MEF2A: variants seen among roughly 807,000 people sequenced by gnomAD.
MEF2A encodes the protein myocyte enhancer factor 2A, also known as myocyte-specific enhancer factor 2A.
Under a neutral mutation model 55.8 loss-of-function variants are expected in MEF2A, and 28 were observed. That is an observed-to-expected ratio of 0.50 (90% CI 0.37 to 0.69). The LOEUF (loss-of-function observed/expected upper bound fraction) is 0.69, where lower values mean the gene tolerates loss of function less well. Ranked by LOEUF, MEF2A falls within the 30% of genes least tolerant of loss-of-function variation. The pLI is 0.00. For synonymous variants in MEF2A, 239 were observed against 227.1 expected (o/e 1.05, Z -0.47); for missense variants, 528 against 626.2 (o/e 0.84, Z 1.67).
intron 2 of MEF2A, among the ~76,000 whole-genome samples, chr15:99,627,534 A>C (rs1319279882): frequency 1.4e-5 from 2 of 141,304 alleles, no homozygotes; most frequent in Non-Finnish European, 3.0e-5. Context: ...GCTGAAGTTT[A>C]TTTAGGAAAA....
chr15:99,574,077 C>G (rs8039892), intron 1 of MEF2A, among the ~76,000 whole-genome samples: 5,223 of 151,744 alleles, frequency 0.034, 317 homozygotes, highest in African/African-American at 0.12. Flanking sequence ...GGAAAAAAAT[C>G]AAACCTAGAG....
Position 99,606,175 on chromosome 15 carries a change from G to A in MEF2A, c.-143+7664G>A, listed in dbSNP as rs954400555. ...TAGGGAAAGAATTAGTCAATAAATC[G>A]TCCTGGAACAAGTGATAATCTGTAT... On this transcript the variant is annotated intron_variant, in intron 2 of 11. Coordinates refer to ENST00000557942, the MANE Select transcript of MEF2A (RefSeq NM_001319206.4). 3.3e-5 allele frequency among the ~76,000 whole-genome samples: 5 copies of A among 152,114 alleles called. No individual in the cohort carries two copies. In the South Asian group the frequency reaches 6.2e-4, roughly 19 times the overall value.
intron 8 of MEF2A, among the ~76,000 whole-genome samples, chr15:99,703,134 T>A (rs1044429246): frequency 6.6e-6 from 1 of 152,118 alleles, no homozygotes; most frequent in African/African-American, 2.4e-5. Context: ...GGTAGGAGGG[T>A]GTCTTTGAAT....
chr15:99,576,705 A>G (rs1036285135), intron 1 of MEF2A, among the ~76,000 whole-genome samples: 38 of 151,820 alleles, frequency 2.5e-4, no homozygotes, highest in African/African-American at 8.2e-4. Flanking sequence ...CAGTGGCGCA[A>G]TCTTGGCTCA....
At chr15:99,589,371 TGTG>T (rs1202581425) in intron 1 of MEF2A, among the ~76,000 whole-genome samples, 22 of 152,312 alleles carry the variant, frequency 1.4e-4, no homozygotes, top group African/African-American at 5.3e-4. Flanking sequence ...TTGCAGCATT[TGTG>T]GTGATGTCCT....
chr15:99,678,370 T>C (rs1000853910), intron 7 of MEF2A, among the ~76,000 whole-genome samples: 1 of 152,224 alleles, frequency 6.6e-6, no homozygotes, highest in African/African-American at 2.4e-5. Flanking sequence ...TGGAAAGGAA[T>C]GTTTATTCTG....
intron 5 of MEF2A, chr15:99,671,747 C>CA: frequency 7.8e-7 from 1 of 1,288,022 alleles, no homozygotes. Context: ...TGGGTGATGA[C>CA]AACAATAAGT....
At chr15:99,632,453 G>A (rs1237342488) in intron 2 of MEF2A, among the ~76,000 whole-genome samples, 2 of 152,204 alleles carry the variant, frequency 1.3e-5, no homozygotes, top group Non-Finnish European at 2.9e-5. Context: ...TGTTTGGTAT[G>A]GAGGTCATCA....
chr15:99,634,612 A>G (rs566659388), intron 3 of MEF2A, among the ~76,000 whole-genome samples: 6 of 152,246 alleles, frequency 3.9e-5, no homozygotes, highest in Non-Finnish European at 8.8e-5. Context: ...TAAATTGGAC[A>G]TAGCTAAACT....
chr15:99,622,125 C>T (rs961928405), intron 2 of MEF2A, among the ~76,000 whole-genome samples: 1 of 152,108 alleles, frequency 6.6e-6, no homozygotes, highest in African/African-American at 2.4e-5. Flanking sequence ...TCTATGATAT[C>T]TTTTAAATTA....
At chr15:99,641,557 C>G (rs1255279745) in intron 3 of MEF2A, among the ~76,000 whole-genome samples, 2 of 152,212 alleles carry the variant, frequency 1.3e-5, no homozygotes, top group East Asian at 1.9e-4. Flanking sequence ...CCTGTCTCTA[C>G]TAAAAAATAC....
intron 2 of MEF2A, among the ~76,000 whole-genome samples, chr15:99,611,116 C>T (rs1162316931): frequency 6.6e-6 from 1 of 152,190 alleles, no homozygotes; most frequent in African/African-American, 2.4e-5. Context: ...ATGGCAGGGA[C>T]TTGTAATCCC....
At chr15:99,602,859 CTA>C (rs1225032193) in intron 2 of MEF2A, among the ~76,000 whole-genome samples, 1 of 150,840 alleles carries the variant, frequency 6.6e-6, no homozygotes, top group African/African-American at 2.4e-5. Context: ...TGTAACAAAA[CTA>C]TGAATTTGGT....
chr15:99,658,745 C>G (rs899509347), intron 4 of MEF2A, among the ~76,000 whole-genome samples: 4 of 152,118 alleles, frequency 2.6e-5, no homozygotes, highest in African/African-American at 9.7e-5. Context: ...GAAATGATAT[C>G]CTAAGTGTGC....
intron 2 of MEF2A, among the ~76,000 whole-genome samples, chr15:99,629,905 A>G (rs1429058287): frequency 6.6e-6 from 1 of 150,484 alleles, no homozygotes; most frequent in Non-Finnish European, 1.5e-5. Flanking sequence ...ACGCCACTGC[A>G]CTCCAGCCTG....
chr15:99,573,273 C>T (rs1333118089), intron 1 of MEF2A, among the ~76,000 whole-genome samples: 1 of 125,226 alleles, frequency 8.0e-6, no homozygotes, highest in Non-Finnish European at 1.6e-5. Flanking sequence ...TGGGCAACAG[C>T]GAGACTCCGT....
chr15:99,658,497 C>T (rs111293737), intron 4 of MEF2A, among the ~76,000 whole-genome samples: 6 of 151,894 alleles, frequency 4.0e-5, no homozygotes, highest in African/African-American at 1.4e-4. Flanking sequence ...AACAGAGAAT[C>T]GGGTAGAGGC....
At chr15:99,575,972 C>G (rs762497940) in intron 1 of MEF2A, among the ~76,000 whole-genome samples, 2 of 152,130 alleles carry the variant, frequency 1.3e-5, no homozygotes, top group Non-Finnish European at 2.9e-5. Flanking sequence ...TTAACATGCC[C>G]CCATCATTTG....
intron 2 of MEF2A, among the ~76,000 whole-genome samples, chr15:99,609,030 A>C (rs935533739): frequency 3.3e-5 from 5 of 152,216 alleles, no homozygotes; most frequent in African/African-American, 1.2e-4. Flanking sequence ...GACCACAGCT[A>C]GTCTTTGCAA....
Sources: gnomAD v4.1 joint callset for allele counts (sites outside exome capture counted in the v4.1 genomes callset) on GRCh38, gnomAD v4.1.1 for gene constraint, MANE v1.5 for transcripts, NCBI Gene and HGNC (gene_info 2026-07-23, HGNC 2026-07-21) for gene names.